MAP4K3: variants seen among roughly 807,000 people sequenced by gnomAD.
MAP4K3 encodes the protein MAPK/ERK kinase kinase kinase 3.
In MAP4K3, 94 loss-of-function variants were observed where a neutral mutation model predicts 143.5. The observed-to-expected ratio is 0.65, with a 90% CI of 0.55 to 0.78. The LOEUF (loss-of-function observed/expected upper bound fraction) is 0.78, where lower values mean the gene tolerates loss of function less well. MAP4K3 is among the 30% of genes least tolerant of loss of function. The pLI is 0.00. For synonymous variants in MAP4K3, 416 were observed against 347.2 expected, an observed-to-expected ratio of 1.20 and a Z score of -2.20; for missense variants, 1,077 against 1,068.1, an observed-to-expected ratio of 1.01 and a Z score of -0.12.
Position 39,286,905 on chromosome 2 carries a change from G to T in MAP4K3, c.1534C>A (p.Gln512Lys), listed in dbSNP as rs1331951787. 1 of 1,609,168 alleles carries T rather than the reference G, an allele frequency of 6.2e-7. No homozygotes were observed. ...GERDGSLCQQQNEHRGTNLSR... is the reference protein window; with the variant it reads ...GERDGSLCQQKNEHRGTNLSR... ...AGGTTTGTGCCTCTATGTTCATTCT[G>T]TTGTTGACATAATGAGCCATCTCGT... Residue 512 changes from glutamine (Q) to lysine (K), a missense_variant, in exon 21 of 34, where the codon CAG becomes AAG. By Grantham distance (53) the Gln-to-Lys change is moderately conservative. Coordinates refer to ENST00000263881, the MANE Select transcript of MAP4K3 (RefSeq NM_003618.4).
At chr2:39,276,504 A>G (rs1681259429) in intron 24 of MAP4K3, among the ~76,000 whole-genome samples, 1 of 152,180 alleles carries the variant, frequency 6.6e-6, no homozygotes, top group Admixed American at 6.5e-5. Flanking sequence ...TGGAATCTGG[A>G]GCTAGCTTGC....
chr2:39,333,066 C>G (rs1289126379), intron 7 of MAP4K3, among the ~76,000 whole-genome samples: 1 of 152,048 alleles, frequency 6.6e-6, no homozygotes, highest in East Asian at 1.9e-4. Context: ...CCTACAGTTA[C>G]AAAATGAAAT....
chr2:39,392,361 CGT>C (rs1666689379), intron 1 of MAP4K3, among the ~76,000 whole-genome samples: 1 of 151,914 alleles, frequency 6.6e-6, no homozygotes, highest in African/African-American at 2.4e-5. Context: ...GTTTATTAAG[CGT>C]GTGATACAAA....
chr2:39,253,172 G>A (rs964025274), intron 32 of MAP4K3, among the ~76,000 whole-genome samples: 3 of 152,060 alleles, frequency 2.0e-5, no homozygotes, highest in African/African-American at 4.8e-5. Flanking sequence ...TTGTTCTGTC[G>A]CCAGGCTGGA....
chr2:39,283,188 A>G (rs1681614934), intron 21 of MAP4K3, among the ~76,000 whole-genome samples: 1 of 152,184 alleles, frequency 6.6e-6, no homozygotes, highest in Admixed American at 6.5e-5. Flanking sequence ...ACTGATACAC[A>G]GGGTCTCTAT....
intron 1 of MAP4K3, among the ~76,000 whole-genome samples, chr2:39,421,040 C>T (rs563666671): frequency 2.6e-5 from 4 of 152,274 alleles, no homozygotes; most frequent in South Asian, 2.1e-4. Context: ...CTAACTGGTA[C>T]ACCATCTTCC....
chr2:39,341,613 A>C (rs1296046658), intron 4 of MAP4K3, among the ~76,000 whole-genome samples: 2 of 151,670 alleles, frequency 1.3e-5, no homozygotes, highest in Non-Finnish European at 2.9e-5. Flanking sequence ...CCGAGATAGC[A>C]CCACTGCACT....
rs1439960603 is a variant in MAP4K3 at position 39,249,392 on chromosome 2, A to G, written c.*1226T>C. The G allele has an allele frequency of 6.6e-6, 1 of 152,628 alleles. No homozygotes were observed. The highest frequency in any genetic ancestry group is 1.9e-4 in the East Asian group (1 of 5,206). 9.5% of individuals were successfully genotyped at this position (152,628 alleles called of 1,614,324 possible). On this transcript the variant is annotated 3_prime_UTR_variant, in exon 34 of 34. Transcript: ENST00000263881. The stretch of plus-strand genomic sequence containing the variant: ...TCACAATTTAGTTTGTTCTTAGTGT[A>G]TATACTCACATTAAAATATAAAGAA...
rs1382066158 is a variant in MAP4K3 at position 39,437,032 on chromosome 2, G to A, written c.-45C>T. On this transcript the variant is annotated 5_prime_UTR_variant, in exon 1 of 34. Coordinates refer to ENST00000263881, the MANE Select transcript of MAP4K3 (RefSeq NM_003618.4). ...CCGCCTCCCTCCCGGGCAGGGGAGGGGGGCCGCTCAGGGGGCCACACGGAG... is the reference window on the plus strand; with the variant it reads ...CCGCCTCCCTCCCGGGCAGGGGAGGAGGGCCGCTCAGGGGGCCACACGGAG... 1.3e-6 allele frequency: 2 copies of A among 1,527,700 alleles called. No individual in the cohort carries two copies. The highest frequency in any genetic ancestry group is 1.4e-5 in the African/African-American group (1 of 71,868). The allele number at this position is 1,527,700 out of a possible 1,614,324, so 94.6% of individuals were successfully genotyped here. A position where few individuals can be genotyped will look rare whatever the true frequency, so the allele number is the denominator to read the frequency against.
At chr2:39,420,052 G>C (rs552916409) in intron 1 of MAP4K3, among the ~76,000 whole-genome samples, 1 of 152,316 alleles carries the variant, frequency 6.6e-6, no homozygotes, top group South Asian at 2.1e-4. Context: ...GAATGAAATG[G>C]AGGAAGAGGA....
intron 15 of MAP4K3, among the ~76,000 whole-genome samples, chr2:39,303,450 C>T (rs1279279317): frequency 6.6e-6 from 1 of 152,056 alleles, no homozygotes; most frequent in Non-Finnish European, 1.5e-5. Context: ...TGAATATTGG[C>T]AGGTGAGGCA....
At chr2:39,405,035 A>T (rs1462886259) in intron 1 of MAP4K3, among the ~76,000 whole-genome samples, 1 of 152,226 alleles carries the variant, frequency 6.6e-6, no homozygotes, top group Non-Finnish European at 1.5e-5. Flanking sequence ...GGTTGGCTTC[A>T]CCATCTGCTG....
At position 39,378,225 on chromosome 2, in the gene MAP4K3, T is replaced by C. The variant is rs192957611; in HGVS notation, c.97-102A>G. 108 of 625,250 alleles carry C rather than the reference T, an allele frequency of 1.7e-4. No homozygotes were observed. The African/African-American group carries it at 2.0e-3, about 12-fold the overall frequency. The allele number at this position is 625,250 out of a possible 1,614,324, so 38.7% of individuals were successfully genotyped here. A position where few individuals can be genotyped will look rare whatever the true frequency, so the allele number is the denominator to read the frequency against. ...TGTTTTCAGTTATATAAAAATATTTTAAAAGAAATGCAAATGTAATTTATA... is the reference window on the plus strand; with the variant it reads ...TGTTTTCAGTTATATAAAAATATTTCAAAAGAAATGCAAATGTAATTTATA... On this transcript the variant is annotated intron_variant, in intron 1 of 33. Transcript: ENST00000263881.
chr2:39,387,199 G>A (rs1018629982), intron 1 of MAP4K3, among the ~76,000 whole-genome samples: 1 of 151,966 alleles, frequency 6.6e-6, no homozygotes, highest in Non-Finnish European at 1.5e-5. Context: ...TTTCAAAGTT[G>A]CTTTGGCAAC....
chr2:39,345,294 G>C (rs78314330), intron 3 of MAP4K3, among the ~76,000 whole-genome samples: 1 of 151,740 alleles, frequency 6.6e-6, no homozygotes, highest in South Asian at 2.1e-4. Context: ...AGGGTGCAGG[G>C]GGTCGGGGGG....
Position 39,326,250 on chromosome 2 carries a change from C to T in MAP4K3, c.558G>A (p.Glu186=). The T allele has an allele frequency of 6.2e-7, 1 of 1,613,914 alleles. No individual in the cohort carries two copies. The highest frequency in any genetic ancestry group is 8.5e-7 in the Non-Finnish European group (1 of 1,179,880). ...AGAGTTGATTGTAACCCCCCTTCCT[C>T]TCAACAGCTGCAACTTCTGGAGCCA... The part of the protein sequence containing the change: ...YWMAPEVAAV[E]RKGGYNQLCD... The change falls in exon 9 of 34, where the codon GAG becomes GAA. Residue 186 remains glutamate, a synonymous_variant. Coordinates refer to ENST00000263881, the MANE Select transcript of MAP4K3 (RefSeq NM_003618.4).
chr2:39,253,676 A>C (rs1158316684), intron 32 of MAP4K3, among the ~76,000 whole-genome samples: 1 of 152,192 alleles, frequency 6.6e-6, no homozygotes, highest in African/African-American at 2.4e-5. Flanking sequence ...TTAGAAATAA[A>C]CGCTCTGAGC....
chr2:39,334,801 T>C (rs184538744), intron 6 of MAP4K3, among the ~76,000 whole-genome samples: 1 of 152,292 alleles, frequency 6.6e-6, no homozygotes, highest in African/African-American at 2.4e-5. Context: ...CCATGGAGTT[T>C]ACATCCAAGT....
chr2:39,333,961 T>TTGTGTGTGTGTGTGTGTG lies in MAP4K3; in HGVS notation c.415-405_415-388dup, dbSNP rs60361690. Among the ~76,000 whole-genome samples, 16 of 144,142 alleles carry TTGTGTGTGTGTGTGTGTG rather than the reference T, an allele frequency of 1.1e-4. No homozygotes were observed. In the East Asian group the frequency reaches 3.3e-3, roughly 30 times the overall value. 94.6% of individuals were successfully genotyped at this position (144,142 alleles called of 152,430 possible). On this transcript the variant is annotated intron_variant, in intron 6 of 33. Coordinates refer to ENST00000263881, the MANE Select transcript of MAP4K3 (RefSeq NM_003618.4). ...TAAACTTGATTATTGTTTCCCATTTTTGTGTGTGTGTGTGTGTGTGTGTGT... is the reference window on the plus strand; with the variant it reads ...TAAACTTGATTATTGTTTCCCATTTTTGTGTGTGTGTGTGTGTGTGTGTGTGTGTGTGTGTGTGTGTGT...
Sources: allele counts gnomAD v4.1 joint callset (sites outside exome capture counted in the v4.1 genomes callset), GRCh38; gene constraint gnomAD v4.1.1; transcripts MANE v1.5; gene names NCBI Gene and HGNC (gene_info 2026-07-23, HGNC 2026-07-21).